C5orf47: variants seen among roughly 807,000 people sequenced by gnomAD.
C5orf47 encodes the protein chromosome 5 open reading frame 47.
In C5orf47, 20 loss-of-function variants were observed where a neutral mutation model predicts 20.6. The ratio of observed to expected loss-of-function variants is 0.97; its 90% confidence interval spans 0.68 to 1.41. C5orf47 has a LOEUF of 1.41. Ranked by LOEUF, C5orf47 falls within the 40% of genes most tolerant of loss-of-function variation. C5orf47 has a pLI of 0.00. For synonymous variants in C5orf47, 106 were observed against 97.3 expected, an observed-to-expected ratio of 1.09 and a Z score of -0.53; for missense variants, 262 against 238.4, an observed-to-expected ratio of 1.10 and a Z score of -0.65.
downstream of C5orf47, among the ~76,000 whole-genome samples, chr5:174,006,693 A>G (rs1257462423): frequency 6.6e-6 from 1 of 152,146 alleles, no homozygotes; most frequent in Non-Finnish European, 1.5e-5. Flanking sequence ...GCCTGGGAGT[A>G]GATGGGGAAC....
At chr5:173,996,559 A>G (rs1207718039) in intron 1 of C5orf47, among the ~76,000 whole-genome samples, 1 of 152,172 alleles carries the variant, frequency 6.6e-6, no homozygotes, top group Non-Finnish European at 1.5e-5. Context: ...GTTTATGAAG[A>G]GCAGAGTTTC....
intron 1 of C5orf47, among the ~76,000 whole-genome samples, chr5:173,990,647 AGGTTGATCT>A (rs1315120350): frequency 6.6e-6 from 1 of 152,112 alleles, no homozygotes; most frequent in Non-Finnish European, 1.5e-5. Context: ...CATGTTGACC[AGGTTGATCT>A]CGAAATCTTG....
At chr5:173,997,277 G>T (rs1168346171) in intron 1 of C5orf47, among the ~76,000 whole-genome samples, 1 of 152,166 alleles carries the variant, frequency 6.6e-6, no homozygotes, top group Non-Finnish European at 1.5e-5. Flanking sequence ...GTGGGGAAGG[G>T]TTGAGGTGAG....
chr5:174,007,959 A>AT (rs1759318252), downstream of C5orf47, among the ~76,000 whole-genome samples: 1 of 152,176 alleles, frequency 6.6e-6, no homozygotes, highest in South Asian at 2.1e-4. Flanking sequence ...CTTTATGCTG[A>AT]TCAGCAGAAC....
At position 173,989,551 on chromosome 5, in the gene C5orf47, G is replaced by T. The variant is rs1183133092; in HGVS notation, c.288G>T (p.Ser96=). Residue 96 remains serine (S), a synonymous_variant, in exon 1 of 5, where the codon TCG becomes TCT. Transcript: ENST00000340147. ...CTGCCTCCTCCCAGCTGCGGGCATC[G>T]AGAGTTCAGAGCGGCACCAGACAGT... ...AASASSQLRA[S]RVQSGTRQSA... is the part of the protein sequence containing the mutation. The T allele has an allele frequency of 2.0e-6, 3 of 1,512,472 alleles. No homozygotes were observed. Among genetic ancestry groups the T allele is most frequent in the African/African-American group, 1.4e-5 (1 of 71,410 alleles). 93.7% of individuals were successfully genotyped at this position (1,512,472 alleles called of 1,614,324 possible).
rs1201175403 is a variant in C5orf47, at chr5:174,004,269, AG to A, written c.*17del. 3 of 152,340 alleles carry A rather than the reference AG, an allele frequency of 2.0e-5. No individual in the cohort carries two copies. Among genetic ancestry groups the A allele is most frequent in the African/African-American group, 7.2e-5 (3 of 41,468 alleles). The allele number at this position is 152,340 out of a possible 1,614,324, so 9.4% of individuals were successfully genotyped here. On this transcript the variant is annotated splice_acceptor_variant, in intron 4 of 4. Transcript: ENST00000340147. LOFTEE classifies it low-confidence loss of function (3UTR_SPLICE). Reference sequence around the variant, plus strand: ...ACTCAATTTTGTCATTTTTAAATTTAGGAATAACCTATCTTTGGATGTTTCC... The same window carrying A: ...ACTCAATTTTGTCATTTTTAAATTTAGAATAACCTATCTTTGGATGTTTCC...
chr5:173,989,628 C>G, intron 1 of C5orf47, 40 bp downstream of exon 1: 2 of 1,274,856 alleles, frequency 1.6e-6, no homozygotes, highest in African/African-American at 1.6e-5. Flanking sequence ...CGCGGCGGGG[C>G]GGGACGGGGC....
At chr5:174,004,037 G>A (rs1412094298) in intron 4 of C5orf47, among the ~76,000 whole-genome samples, 3 of 152,196 alleles carry the variant, frequency 2.0e-5, no homozygotes, top group East Asian at 3.8e-4. Flanking sequence ...GACTGTTGAA[G>A]TCACCCAAGG....
chr5:173,994,925 T>C (rs934589548), intron 1 of C5orf47, among the ~76,000 whole-genome samples: 2 of 152,094 alleles, frequency 1.3e-5, no homozygotes, highest in Admixed American at 1.3e-4. Context: ...GTGATTCTCC[T>C]GCCTCAGCCT....
Position 173,989,344 on chromosome 5 carries a change from T to G in C5orf47, c.81T>G (p.Ser27Arg). Residue 27 changes from serine (S) to arginine (R), a missense_variant, in exon 1 of 5, where the codon AGT becomes AGG. Transcript: ENST00000340147. ...CGCGCTTCGGCTCGCATCAGTGCAG[T>G]GGCGTCCTGCAACTGGGCGGCCGTG... The part of the protein sequence containing the change: ...YVTRFGSHQC[S>R]GVLQLGGRGA... 1 of 1,499,704 alleles carries G rather than the reference T, an allele frequency of 6.7e-7. No individual in the cohort carries two copies. The allele number at this position is 1,499,704 out of a possible 1,614,324, so 92.9% of individuals were successfully genotyped here. A position where few individuals can be genotyped will look rare whatever the true frequency, so the allele number is the denominator to read the frequency against.
At chr5:174,007,894 G>C (rs116073318), downstream of C5orf47, among the ~76,000 whole-genome samples, 1,015 of 152,234 alleles carry the variant, frequency 6.7e-3, 11 homozygotes, top group African/African-American at 0.024. Context: ...AGTCCAAAGA[G>C]ATCTGTATTG....
chr5:173,998,258 A>C lies in C5orf47; in HGVS notation c.411+20A>C. On this transcript the variant is annotated intron_variant, in intron 2 of 4. Coordinates refer to ENST00000340147, the MANE Select transcript of C5orf47 (RefSeq NM_001144954.2). ...AAAAAGGTATATTGCTGTAAAGGAG[A>C]ATGAGCAATATTTGAATTTTAGATC... 7.7e-7 allele frequency: 1 copy of C among 1,302,724 alleles called. No homozygotes were observed. Among genetic ancestry groups the C allele is most frequent in the Middle Eastern group, 2.1e-4 (1 of 4,752 alleles). 80.7% of individuals were successfully genotyped at this position (1,302,724 alleles called of 1,614,324 possible).
chr5:173,998,022 C>T, intron 1 of C5orf47, 131 bp from the exon 2 acceptor site: 1 of 599,088 alleles, frequency 1.7e-6, no homozygotes. Context: ...CCAGTATTAC[C>T]TGGTGATCAG....
intron 1 of C5orf47, among the ~76,000 whole-genome samples, chr5:173,991,419 C>T (rs778088448): frequency 6.6e-6 from 1 of 151,974 alleles, no homozygotes; most frequent in Non-Finnish European, 1.5e-5. Flanking sequence ...TAGTGTTTCC[C>T]CATTAAATCA....
intron 1 of C5orf47, among the ~76,000 whole-genome samples, chr5:173,996,689 T>C (rs12513583): frequency 0.16 from 23,971 of 152,200 alleles, 2,461 homozygotes; most frequent in African/African-American, 0.29. Context: ...CACTTTAAAT[T>C]ATTACTTCAG....
downstream of C5orf47, among the ~76,000 whole-genome samples, chr5:174,008,689 G>A (rs986781346): frequency 2.4e-4 from 37 of 151,818 alleles, no homozygotes; most frequent in African/African-American, 5.8e-4. Flanking sequence ...AAAATTAGCC[G>A]GGCTCGGTGG....
chr5:173,998,322 A>G (rs1759136701), intron 2 of C5orf47, 84 bp downstream of exon 2: 9 of 679,732 alleles, frequency 1.3e-5, no homozygotes, highest in Non-Finnish European at 2.0e-5. Flanking sequence ...TATTCAAGAC[A>G]GTGAAAATAG....
downstream of C5orf47, among the ~76,000 whole-genome samples, chr5:174,009,207 T>C (rs958112332): frequency 6.6e-5 from 10 of 151,978 alleles, no homozygotes; most frequent in Non-Finnish European, 1.3e-4. Flanking sequence ...CAAGACTCTA[T>C]CTTAAAAGAA....
chr5:174,000,124 A>G (rs1759169647), intron 3 of C5orf47, among the ~76,000 whole-genome samples: 1 of 152,154 alleles, frequency 6.6e-6, no homozygotes, highest in African/African-American at 2.4e-5. Context: ...TACGAAGCTC[A>G]TCGGTATTGA....
Sources: allele counts gnomAD v4.1 joint callset (sites outside exome capture counted in the v4.1 genomes callset), GRCh38; gene constraint gnomAD v4.1.1; transcripts MANE v1.5; gene names NCBI Gene and HGNC (gene_info 2026-07-23, HGNC 2026-07-21).